The following CCDC149 variants were observed in gnomAD, a reference collection of about 807,000 sequenced individuals.
The protein encoded by CCDC149 is coiled-coil domain-containing protein 149.
CCDC149 carries 45 observed loss-of-function variants against 59.9 expected under a neutral mutation model. The ratio of observed to expected loss-of-function variants is 0.75; its 90% CI spans 0.59 to 0.96. CCDC149 has a LOEUF of 0.96. Among genes scored for constraint, CCDC149 ranks in the 40% least tolerant of loss-of-function variants. The pLI is 0.00. For missense variants in CCDC149, 584 were observed against 664.7 expected, an observed-to-expected ratio of 0.88 and a Z score of 1.33; for synonymous variants, 245 against 260.6, an observed-to-expected ratio of 0.94 and a Z score of 0.58.
chr4:24,864,304 C>G (rs1219010290), intron 3 of CCDC149, among the ~76,000 whole-genome samples: 1 of 152,222 alleles, frequency 6.6e-6, no homozygotes, highest in Non-Finnish European at 1.5e-5. Flanking sequence ...ACAAGATTTG[C>G]AGTTTCCCTA....
chr4:24,892,652 T>A (rs1720596205), intron 1 of CCDC149, among the ~76,000 whole-genome samples: 1 of 152,160 alleles, frequency 6.6e-6, no homozygotes, highest in African/African-American at 2.4e-5. Flanking sequence ...AAGGAGGCCC[T>A]CTGAGGTAGG....
intron 1 of CCDC149, among the ~76,000 whole-genome samples, chr4:24,973,563 T>C (rs1047593320): frequency 3.3e-5 from 5 of 152,096 alleles, no homozygotes; most frequent in African/African-American, 7.2e-5. Context: ...TATCTTGACA[T>C]TGTGAGGAGA....
At chr4:24,850,899 C>A (rs1717615630) in intron 4 of CCDC149, among the ~76,000 whole-genome samples, 1 of 151,704 alleles carries the variant, frequency 6.6e-6, no homozygotes, top group East Asian at 1.9e-4. Flanking sequence ...TGAAAATAAA[C>A]CAGCCCTGTA....
Position 24,837,696 on chromosome 4 carries a change from T to C in CCDC149, c.490-296A>G, listed in dbSNP as rs1716633605. On this transcript the variant is annotated intron_variant, in intron 5 of 12. Transcript: ENST00000635206. The surrounding 1 kb of genome is among the most constrained non-coding windows in gnomAD (Gnocchi z 4.3). ...CAGCTGCCAGTGTCTTACAAATCCA[T>C]ACTTTTTCAAATCCACTCTAGACCC... Among the ~76,000 whole-genome samples the C allele has an allele frequency of 6.6e-6, 1 of 152,212 alleles. No individual in the cohort carries two copies. The highest frequency in any genetic ancestry group is 1.5e-5 in the Non-Finnish European group (1 of 68,038).
intron 12 of CCDC149, among the ~76,000 whole-genome samples, chr4:24,813,503 T>TATATATATATATATATATAC (rs1560197627): frequency 6.0e-4 from 82 of 135,652 alleles, no homozygotes; most frequent in African/African-American, 2.1e-3. Flanking sequence ...TATATATATA[T>TATATATATATATATATATAC]ATATATATAT....
At chr4:24,851,782 G>A (rs757446606) in intron 4 of CCDC149, among the ~76,000 whole-genome samples, 41 of 151,978 alleles carry the variant, frequency 2.7e-4, no homozygotes, top group Non-Finnish European at 5.7e-4. Flanking sequence ...TGAGTAAGAA[G>A]GTCTGTCCTT....
intron 12 of CCDC149, among the ~76,000 whole-genome samples, chr4:24,809,969 G>C (rs1714488434): frequency 6.6e-6 from 1 of 152,184 alleles, no homozygotes; most frequent in South Asian, 2.1e-4. Context: ...TCACTTTCAG[G>C]ATAAATTTCC....
intron 1 of CCDC149, among the ~76,000 whole-genome samples, chr4:24,951,045 G>C (rs1723272359): frequency 6.6e-6 from 1 of 152,216 alleles, no homozygotes; most frequent in Non-Finnish European, 1.5e-5. Context: ...TGTCAAGCTG[G>C]GGGAGTGGGG....
At chr4:24,849,973 A>G (rs1020610042) in intron 4 of CCDC149, among the ~76,000 whole-genome samples, 1 of 152,102 alleles carries the variant, frequency 6.6e-6, no homozygotes, top group Non-Finnish European at 1.5e-5. Flanking sequence ...TGCTCTCTCC[A>G]CAGAAGCTTC....
At chr4:24,855,088 G>C (rs1282682437) in intron 3 of CCDC149, among the ~76,000 whole-genome samples, 1 of 152,080 alleles carries the variant, frequency 6.6e-6, no homozygotes, top group Non-Finnish European at 1.5e-5. Context: ...TTCCATGAAG[G>C]GCAAGGAACT....
chr4:24,816,061 T>C (rs1714996665), intron 12 of CCDC149, among the ~76,000 whole-genome samples: 1 of 152,026 alleles, frequency 6.6e-6, no homozygotes, highest in South Asian at 2.1e-4. Context: ...ACTCTCCCAT[T>C]TTTTTCAAAT....
chr4:24,831,910 A>C (rs1362019236), intron 8 of CCDC149, among the ~76,000 whole-genome samples: 2 of 152,230 alleles, frequency 1.3e-5, no homozygotes, highest in Non-Finnish European at 2.9e-5. Context: ...TATTTTAAAC[A>C]CTTTCATAAT....
At chr4:24,916,655 C>A (rs1722128389), upstream of CCDC149, among the ~76,000 whole-genome samples, 1 of 152,038 alleles carries the variant, frequency 6.6e-6, no homozygotes, top group South Asian at 2.1e-4. Context: ...AGATTTTGGC[C>A]GGGCTTCTCT....
intron 1 of CCDC149, among the ~76,000 whole-genome samples, chr4:24,911,306 C>A (rs764267870): frequency 6.6e-6 from 1 of 152,174 alleles, no homozygotes; most frequent in African/African-American, 2.4e-5. Context: ...TCACTGTCTA[C>A]GGTATGACCT....
chr4:24,858,180 A>G (rs1011220721), intron 3 of CCDC149, among the ~76,000 whole-genome samples: 3 of 152,232 alleles, frequency 2.0e-5, no homozygotes, highest in African/African-American at 7.2e-5. Context: ...ATAATTTATC[A>G]GCTATGCAGA....
At chr4:24,876,342 G>C (rs79817975) in intron 2 of CCDC149, among the ~76,000 whole-genome samples, 194 bp downstream of exon 2, 207 of 128,536 alleles carry the variant, frequency 1.6e-3, no homozygotes, top group African/African-American at 6.6e-3. Context: ...CACACACACA[G>C]AGAGAGAGAG....
intron 1 of CCDC149, among the ~76,000 whole-genome samples, chr4:24,903,891 C>A (rs1721324298): frequency 6.6e-6 from 1 of 151,712 alleles, no homozygotes; most frequent in Admixed American, 6.6e-5. Context: ...ACCTCTGCCT[C>A]CTGGGTTCAA....
At chr4:24,825,212 ACT>A (rs1715648071) in intron 9 of CCDC149, among the ~76,000 whole-genome samples, 1 of 152,154 alleles carries the variant, frequency 6.6e-6, no homozygotes, top group African/African-American at 2.4e-5. Context: ...CATTTGAGAG[ACT>A]AAACGTCTGG....
At chr4:24,929,491 A>G (rs1392787662) in intron 1 of CCDC149, among the ~76,000 whole-genome samples, 1 of 152,264 alleles carries the variant, frequency 6.6e-6, no homozygotes, top group Non-Finnish European at 1.5e-5. Flanking sequence ...ATGGGAAAAA[A>G]TAGAAACTGT....
Sources: gnomAD v4.1 joint callset for allele counts (sites outside exome capture counted in the v4.1 genomes callset) on GRCh38, gnomAD v4.1.1 for gene constraint, Gnocchi (gnomAD v3.1) non-coding constraint, MANE v1.5 for transcripts, NCBI Gene and HGNC (gene_info 2026-07-23, HGNC 2026-07-21) for gene names.